FOXO3: variants seen among roughly 807,000 people sequenced by gnomAD.
FOXO3 encodes forkhead box O3.
FOXO3 carries 4 observed loss-of-function variants against 41.9 expected under a neutral mutation model. The observed-to-expected ratio is 0.10, with a 90% CI of 0.05 to 0.22. FOXO3 has a LOEUF of 0.22. Ranked by LOEUF, FOXO3 falls within the 10% of genes least tolerant of loss-of-function variation. FOXO3 has a pLI of 1.00. For missense variants in FOXO3, 534 were observed against 906.8 expected, an observed-to-expected ratio of 0.59 and a Z score of 5.28; for synonymous variants, 318 against 389.3, an observed-to-expected ratio of 0.82 and a Z score of 2.16.
At chr6:108,580,366 C>T (rs1305411294) in intron 1 of FOXO3, among the ~76,000 whole-genome samples, 2 of 151,648 alleles carry the variant, frequency 1.3e-5, no homozygotes, top group East Asian at 1.9e-4. Flanking sequence ...TTAGTAGAGG[C>T]GGGGTTTCAC....
rs566172372 is a variant in FOXO3 at position 108,566,529 on chromosome 6, A to G, written c.621+4700A>G. ...GATAAGGCTGTTTAGGCTTGAGCCC[A>G]GGAGTTCAAGACCAGCTTGGGCACA... On this transcript the variant is annotated intron_variant, in intron 1 of 2. Transcript: ENST00000406360. Among the ~76,000 whole-genome samples, 4 of 152,290 alleles carry G rather than the reference A, an allele frequency of 2.6e-5. No homozygotes were observed. In the East Asian group the frequency reaches 7.7e-4, roughly 29 times the overall value.
intron 1 of FOXO3, among the ~76,000 whole-genome samples, chr6:108,629,838 G>A (rs1347096906): frequency 6.6e-6 from 1 of 152,098 alleles, no homozygotes; most frequent in East Asian, 1.9e-4. Context: ...CTGTGGCCTT[G>A]ATGGTGAACC....
intron 2 of FOXO3, among the ~76,000 whole-genome samples, chr6:108,678,171 A>G (rs1770692196): frequency 6.6e-6 from 1 of 152,250 alleles, no homozygotes; most frequent in Non-Finnish European, 1.5e-5. Flanking sequence ...GTGCAGAGTC[A>G]CAGAAGAGAT....
rs149934676 is a variant in FOXO3 at position 108,568,764 on chromosome 6, C to G, written c.621+6935C>G. ...GTGGCATCAGCTTTAGACCTCCTAG[C>G]ATCGATGTTGATGTGATGTGGTGTA... On this transcript the variant is annotated intron_variant, in intron 1 of 2. Transcript: ENST00000406360. Among the ~76,000 whole-genome samples the G allele has an allele frequency of 3.4e-3, 511 of 152,268 alleles. 2 individuals carry two copies. Among genetic ancestry groups the G allele is most frequent in the Middle Eastern group, 0.014 (4 of 294 alleles).
rs78989587 is a variant in FOXO3 at position 108,650,558 on chromosome 6, G to T, written c.622-12897G>T. On this transcript the variant is annotated intron_variant, in intron 1 of 2. Coordinates refer to ENST00000406360, the MANE Select transcript of FOXO3 (RefSeq NM_001455.4). The stretch of plus-strand genomic sequence containing the variant: ...AAGTGCTTTCAAGTTTACCTAGCAT[G>T]TACATGAAGTAGATTAGAGCCTGCT... Among the ~76,000 whole-genome samples, 4 of 152,154 alleles carry T rather than the reference G, an allele frequency of 2.6e-5. No homozygotes were observed. The East Asian group carries it at 7.7e-4, about 29-fold the overall frequency.
At chr6:108,666,917 A>G (rs1358453975) in intron 2 of FOXO3, among the ~76,000 whole-genome samples, 1 of 152,202 alleles carries the variant, frequency 6.6e-6, no homozygotes, top group African/African-American at 2.4e-5. Flanking sequence ...AGTCTCAGCA[A>G]GCTACTTACA....
intron 1 of FOXO3, among the ~76,000 whole-genome samples, chr6:108,641,277 A>G (rs1778250507): frequency 6.6e-6 from 1 of 152,054 alleles, no homozygotes; most frequent in Non-Finnish European, 1.5e-5. Context: ...TATGCCTTTA[A>G]ACTTAAGTTA....
chr6:108,625,120 C>A (rs2128374035), intron 1 of FOXO3, among the ~76,000 whole-genome samples: 1 of 152,210 alleles, frequency 6.6e-6, no homozygotes, highest in Admixed American at 6.5e-5. Flanking sequence ...AAAGTTTATT[C>A]ATTGAATGAG....
chr6:108,611,899 A>G (rs1777376747), intron 1 of FOXO3, among the ~76,000 whole-genome samples: 1 of 152,186 alleles, frequency 6.6e-6, no homozygotes, highest in Non-Finnish European at 1.5e-5. Flanking sequence ...CCATTTGGAG[A>G]TAATTTTAAT....
chr6:108,668,753 A>G lies in FOXO3; in HGVS notation c.*34+3864A>G, dbSNP rs1779129213. 2.0e-5 allele frequency among the ~76,000 whole-genome samples: 3 copies of G among 152,154 alleles called. No individual in the cohort carries two copies. The South Asian group carries it at 6.2e-4, about 32-fold the overall frequency. On this transcript the variant is annotated intron_variant, in intron 2 of 2. Coordinates refer to ENST00000406360, the MANE Select transcript of FOXO3 (RefSeq NM_001455.4). ...ACTTCTTGTCTCTGCCACATCACTC[A>G]ATCTTGTAGAATATTAGGTTTCTCA...
chr6:108,644,975 C>T (rs1012277919), intron 1 of FOXO3, among the ~76,000 whole-genome samples: 6 of 152,310 alleles, frequency 3.9e-5, no homozygotes, highest in South Asian at 2.1e-4. Flanking sequence ...TGTCTGTTCA[C>T]TCACATTTGT....
rs114429296 is a variant in FOXO3, at chr6:108,599,624, A to G, written c.621+37795A>G. On this transcript the variant is annotated intron_variant, in intron 1 of 2. Transcript: ENST00000406360. ...CTCAGTGTGCCAACTTCTGACTGCA[A>G]ATGATCTCATTTTCTAAAATCTTTC... is the stretch of plus-strand genomic sequence containing the variant. 9.2e-3 allele frequency among the ~76,000 whole-genome samples: 1,396 copies of G among 152,266 alleles called. 20 individuals are homozygous for G. The highest frequency in any genetic ancestry group is 0.032 in the African/African-American group (1,319 of 41,546).
At chr6:108,678,890 T>TTTTTTTTTTTTTTTTTTTTTTC (rs368405598) in intron 2 of FOXO3, among the ~76,000 whole-genome samples, 1 of 115,334 alleles carries the variant, frequency 8.7e-6, no homozygotes. Flanking sequence ...TTTTTTTTTT[T>TTTTTTTTTTTTTTTTTTTTTTC]TGAGACGGAG....
At chr6:108,644,096 A>G (rs1287156085) in intron 1 of FOXO3, among the ~76,000 whole-genome samples, 3 of 152,166 alleles carry the variant, frequency 2.0e-5, no homozygotes, top group African/African-American at 4.8e-5. Flanking sequence ...GTGCCTGGCT[A>G]TAGGCTCCAG....
intron 1 of FOXO3, among the ~76,000 whole-genome samples, chr6:108,643,839 C>T (rs1267042835): frequency 6.6e-6 from 1 of 152,152 alleles, no homozygotes; most frequent in Non-Finnish European, 1.5e-5. Flanking sequence ...CCCCTCAGAT[C>T]ATCTTTAGGA....
intron 1 of FOXO3, among the ~76,000 whole-genome samples, chr6:108,562,573 C>G (rs1029364924): frequency 3.9e-5 from 6 of 152,084 alleles, no homozygotes; most frequent in African/African-American, 1.4e-4. Context: ...CCGCCGAGGC[C>G]TGGATTCAGG....
At chr6:108,644,479 TCTC>T (rs1778342006) in intron 1 of FOXO3, among the ~76,000 whole-genome samples, 1 of 152,068 alleles carries the variant, frequency 6.6e-6, no homozygotes, top group Non-Finnish European at 1.5e-5. Flanking sequence ...GACACTCTGT[TCTC>T]CTCTCTTTCT....
At chr6:108,630,136 A>G (rs575863522) in intron 1 of FOXO3, among the ~76,000 whole-genome samples, 1 of 152,296 alleles carries the variant, frequency 6.6e-6, no homozygotes, top group Non-Finnish European at 1.5e-5. Flanking sequence ...GCTTCTAGGT[A>G]TAGCATGGAA....
chr6:108,655,700 C>A (rs1462589507), intron 1 of FOXO3, among the ~76,000 whole-genome samples: 1 of 152,152 alleles, frequency 6.6e-6, no homozygotes, highest in South Asian at 2.1e-4. Context: ...TTTGAAAGAT[C>A]CTGTCATTAT....
Sources: gnomAD v4.1 joint callset for allele counts (sites outside exome capture counted in the v4.1 genomes callset) on GRCh38, gnomAD v4.1.1 for gene constraint, MANE v1.5 for transcripts, NCBI Gene and HGNC (gene_info 2026-07-23, HGNC 2026-07-21) for gene names.